The following CALN1 variants were observed in gnomAD, a reference collection of about 807,000 sequenced individuals.
CALN1 encodes the protein calneuron 1, also known as calcium-binding protein 8.
CALN1 carries 17 observed loss-of-function variants against 30.6 expected under a neutral mutation model. The ratio of observed to expected loss-of-function variants is 0.56; its 90% confidence interval spans 0.38 to 0.83. The LOEUF is 0.83. Ranked by LOEUF, CALN1 falls within the 40% of genes least tolerant of loss-of-function variation. The probability of loss-of-function intolerance (pLI) is 0.00; values close to 1 mark genes in which losing one functional copy is unlikely to be tolerated. For missense variants in CALN1, 291 were observed against 354.9 expected, an observed-to-expected ratio of 0.82 and a Z score of 1.45; for synonymous variants, 156 against 131.4, an observed-to-expected ratio of 1.19 and a Z score of -1.28.
chr7:72,010,840 A>AAAAAG (rs574192851), intron 5 of CALN1, among the ~76,000 whole-genome samples: 1 of 150,348 alleles, frequency 6.7e-6, no homozygotes, highest in Admixed American at 6.6e-5. Context: ...AAAGAAAAAG[A>AAAAAG]AAAAGAAAAG....
chr7:71,919,589 C>A (rs1365311555), intron 5 of CALN1, among the ~76,000 whole-genome samples: 2 of 152,144 alleles, frequency 1.3e-5, no homozygotes. Flanking sequence ...GAACAATGTA[C>A]AAGAGACACT....
At chr7:72,462,835 A>C in the CALN1 span, among the ~76,000 whole-genome samples, 1 of 152,200 alleles carries the variant, frequency 6.6e-6, no homozygotes, top group Admixed American at 6.5e-5. Context: ...CTTGCCGGGC[A>C]CATACTTTCC....
In CALN1 at chr7:72,259,836, T is replaced by C. The variant is rs866888400; in HGVS notation, c.244+18850A>G. Among the ~76,000 whole-genome samples the C allele has an allele frequency of 2.2e-4, 33 of 152,322 alleles. 1 individual carries two copies. Among genetic ancestry groups the C allele is most frequent in the Middle Eastern group, 6.8e-3 (2 of 294 alleles). On this transcript the variant is annotated intron_variant, in intron 3 of 6. Coordinates refer to ENST00000395275, the MANE Select transcript of CALN1 (RefSeq NM_031468.4). ...TCCCCTAACTATGCAAAAGGGCTTCTGGTTGTTGCCCCAGCCTCAAGGCCC... is the reference window on the plus strand; with the variant it reads ...TCCCCTAACTATGCAAAAGGGCTTCCGGTTGTTGCCCCAGCCTCAAGGCCC...
intron 5 of CALN1, among the ~76,000 whole-genome samples, chr7:71,892,709 G>T (rs984962897): frequency 6.6e-6 from 1 of 152,102 alleles, no homozygotes; most frequent in South Asian, 2.1e-4. Flanking sequence ...TGTATGCTGG[G>T]CTTTGAGAGC....
At chr7:72,160,002 G>A (rs17352148) in intron 3 of CALN1, among the ~76,000 whole-genome samples, 39,349 of 151,976 alleles carry the variant, frequency 0.26, 6,081 homozygotes, top group Non-Finnish European at 0.35. Context: ...GTTCCCTTGC[G>A]ACTTCCAAAG....
intron 6 of CALN1, among the ~76,000 whole-genome samples, chr7:71,798,864 T>C (rs1056103460): frequency 6.6e-6 from 1 of 152,036 alleles, no homozygotes; most frequent in Non-Finnish European, 1.5e-5. Flanking sequence ...GACCTCGTGA[T>C]CCACCTGCCT....
At chr7:72,357,859 T>C (rs1306482050) in intron 2 of CALN1, among the ~76,000 whole-genome samples, 2 of 148,290 alleles carry the variant, frequency 1.3e-5, no homozygotes, top group African/African-American at 4.9e-5. Flanking sequence ...TATATTTATA[T>C]ATATGTGTGT....
chr7:72,492,354 C>G, the CALN1 span, among the ~76,000 whole-genome samples: 1 of 152,222 alleles, frequency 6.6e-6, no homozygotes, highest in Non-Finnish European at 1.5e-5. Context: ...AAAGCCAGGT[C>G]TAGAAGCCAA....
At chr7:72,335,865 G>A (rs1562899647) in intron 2 of CALN1, among the ~76,000 whole-genome samples, 1 of 152,168 alleles carries the variant, frequency 6.6e-6, no homozygotes, top group Non-Finnish European at 1.5e-5. Flanking sequence ...TCCCCCGCTC[G>A]CCCTCGCCCC....
At chr7:72,293,613 C>A (rs11762675) in intron 2 of CALN1, among the ~76,000 whole-genome samples, 46,735 of 151,728 alleles carry the variant, frequency 0.31, 7,705 homozygotes, top group Non-Finnish European at 0.36. Flanking sequence ...GCAGATAAAT[C>A]CGTAAGAAAG....
intron 4 of CALN1, among the ~76,000 whole-genome samples, chr7:72,065,502 C>G (rs1803958073): frequency 1.3e-5 from 2 of 152,044 alleles, no homozygotes; most frequent in Admixed American, 1.3e-4. Context: ...TTAAAGACAA[C>G]TACCATATCT....
rs1408768790 is a variant in CALN1 at position 72,031,731 on chromosome 7, CTAATTTT to C, written c.389-7969_389-7963del. ...CACAGTTATGTGCCACCACGCCTGG[CTAATTTT>C]TTTTTTTTTTTTTTTTTTTTTGAGA... On this transcript the variant is annotated intron_variant, in intron 4 of 6. Transcript: ENST00000395275. Among the ~76,000 whole-genome samples, 3 of 140,422 alleles carry C rather than the reference CTAATTTT, an allele frequency of 2.1e-5. No individual in the cohort carries two copies. The East Asian group carries it at 6.4e-4, about 30-fold the overall frequency. The allele number at this position is 140,422 out of a possible 152,430, so 92.1% of individuals were successfully genotyped here. A position where few individuals can be genotyped will look rare whatever the true frequency, so the allele number is the denominator to read the frequency against.
At chr7:72,382,106 G>A (rs1223011961) in intron 2 of CALN1, among the ~76,000 whole-genome samples, 1 of 152,166 alleles carries the variant, frequency 6.6e-6, no homozygotes, top group Admixed American at 6.5e-5. Flanking sequence ...AAAAATGCAA[G>A]CCCCTTGGAT....
chr7:72,138,510 T>C (rs549282064), intron 3 of CALN1, among the ~76,000 whole-genome samples: 98 of 152,062 alleles, frequency 6.4e-4, no homozygotes, highest in African/African-American at 2.1e-3. Flanking sequence ...GAAACTCTTT[T>C]CTCCTACTTG....
chr7:72,336,951 G>T, intron 2 of CALN1: 5 of 985,096 alleles, frequency 5.1e-6, no homozygotes, highest in Non-Finnish European at 6.0e-6. Flanking sequence ...GAGCCCCCTC[G>T]TCGACTCGGA....
At chr7:72,256,376 C>A (rs1305333011) in intron 3 of CALN1, among the ~76,000 whole-genome samples, 2 of 152,110 alleles carry the variant, frequency 1.3e-5, no homozygotes, top group African/African-American at 4.8e-5. Context: ...AGGAAGATCA[C>A]TTGAGCCCAG....
At position 72,384,172 on chromosome 7, in the gene CALN1, G is replaced by C. The variant is rs774377665; in HGVS notation, c.119+19079C>G. ...GCAGGGGACATTTTTGCAGACTGTTGCCTTTAATAAAATAGTTTTTTTCCA... is the reference window on the plus strand; with the variant it reads ...GCAGGGGACATTTTTGCAGACTGTTCCCTTTAATAAAATAGTTTTTTTCCA... On this transcript the variant is annotated intron_variant, in intron 2 of 6. Transcript: ENST00000395275. Among the ~76,000 whole-genome samples the C allele has an allele frequency of 1.4e-3, 206 of 152,238 alleles. 1 individual carries two copies. Among genetic ancestry groups the C allele is most frequent in the Admixed American group, 2.4e-3 (36 of 15,296 alleles).
intron 4 of CALN1, among the ~76,000 whole-genome samples, chr7:72,099,905 G>GT (rs1388914141): frequency 6.6e-6 from 1 of 152,206 alleles, no homozygotes; most frequent in Non-Finnish European, 1.5e-5. Context: ...TGGTAGCTGA[G>GT]TATGATGAGT....
At chr7:72,246,675 C>T (rs1322447050) in intron 3 of CALN1, among the ~76,000 whole-genome samples, 1 of 151,840 alleles carries the variant, frequency 6.6e-6, no homozygotes, top group African/African-American at 2.4e-5. Flanking sequence ...GTCCTTTGAC[C>T]ATCTTCTTGT....
Sources: allele counts gnomAD v4.1 joint callset (sites outside exome capture counted in the v4.1 genomes callset), GRCh38; gene constraint gnomAD v4.1.1; transcripts MANE v1.5; gene names NCBI Gene and HGNC (gene_info 2026-07-23, HGNC 2026-07-21).